ZNF292: variants seen among roughly 807,000 people sequenced by gnomAD.
ZNF292 encodes the protein zinc finger protein 292.
ZNF292 carries 26 observed loss-of-function variants against 217.9 expected under a neutral mutation model. The observed-to-expected ratio is 0.12, with a 90% CI of 0.09 to 0.17. The LOEUF is 0.17. Ranked by LOEUF, ZNF292 falls within the 10% of genes least tolerant of loss-of-function variation. The pLI is 1.00. For missense variants in ZNF292, 2,904 were observed against 3,175.2 expected, an observed-to-expected ratio of 0.91 and a Z score of 2.05; for synonymous variants, 1,257 against 1,124.1, an observed-to-expected ratio of 1.12 and a Z score of -2.37.
At chr6:87,251,618 T>C (rs1045382402) in intron 7 of ZNF292, among the ~76,000 whole-genome samples, 3 of 152,232 alleles carry the variant, frequency 2.0e-5, no homozygotes, top group African/African-American at 7.2e-5. Flanking sequence ...TGTTATGAAT[T>C]AAATAGATTT....
chr6:87,234,450 T>C (rs1009926419), intron 5 of ZNF292, among the ~76,000 whole-genome samples: 9 of 151,922 alleles, frequency 5.9e-5, no homozygotes, highest in Non-Finnish European at 1.0e-4. Flanking sequence ...TCCCAGCTAC[T>C]TGGTAGGCTG....
chr6:87,217,601 C>A (rs185421608), intron 3 of ZNF292, among the ~76,000 whole-genome samples: 4 of 151,994 alleles, frequency 2.6e-5, no homozygotes, highest in African/African-American at 9.7e-5. Context: ...TGTTTGCCAA[C>A]GTAAGATAAA....
At chr6:87,219,843 A>G (rs1338616347) in intron 4 of ZNF292, among the ~76,000 whole-genome samples, 2 of 152,150 alleles carry the variant, frequency 1.3e-5, no homozygotes, top group Non-Finnish European at 2.9e-5. Context: ...TTACTTATTT[A>G]TTGAGACAGA....
At chr6:87,165,042 C>T (rs1391271956) in intron 1 of ZNF292, among the ~76,000 whole-genome samples, 1 of 151,978 alleles carries the variant, frequency 6.6e-6, no homozygotes, top group Non-Finnish European at 1.5e-5. Context: ...GGATTACAGG[C>T]GTGAGCCACC....
At chr6:87,196,502 G>A (rs1290126673) in intron 1 of ZNF292, among the ~76,000 whole-genome samples, 2 of 152,204 alleles carry the variant, frequency 1.3e-5, no homozygotes, top group Admixed American at 1.3e-4. Flanking sequence ...TAACAAATAG[G>A]TGCCCAGTAA....
At chr6:87,202,536 T>A (rs1043386270) in intron 1 of ZNF292, among the ~76,000 whole-genome samples, 1 of 152,212 alleles carries the variant, frequency 6.6e-6, no homozygotes, top group South Asian at 2.1e-4. Flanking sequence ...CAGTTTTGAA[T>A]AGAAGCAGTG....
intron 7 of ZNF292, among the ~76,000 whole-genome samples, chr6:87,250,447 CA>C (rs1562176190): frequency 6.6e-6 from 1 of 150,930 alleles, no homozygotes; most frequent in South Asian, 2.1e-4. Context: ...GACCCTGTCT[CA>C]AAAAAGAAAA....
intron 1 of ZNF292, chr6:87,169,892 C>T: frequency 5.2e-6 from 1 of 192,566 alleles, no homozygotes; most frequent in Non-Finnish European, 1.1e-5. Context: ...AAGCAATTTG[C>T]CCATCTCAGA....
At position 87,216,134 on chromosome 6, in the gene ZNF292, C is replaced by T. The variant is rs1215070523; in HGVS notation, c.323+77C>T. ...ACACACACACACACACACACACACA[C>T]ACACACACACACACACACACACAAC... is the stretch of plus-strand genomic sequence containing the variant. On this transcript the variant is annotated intron_variant, in intron 2 of 7. Coordinates refer to ENST00000369577, the MANE Select transcript of ZNF292 (RefSeq NM_015021.3). The T allele has an allele frequency of 6.6e-6, 5 of 753,896 alleles. No individual in the cohort carries two copies. The East Asian group carries it at 1.7e-4, about 25-fold the overall frequency. The allele number at this position is 753,896 out of a possible 1,614,324, so 46.7% of individuals were successfully genotyped here.
chr6:87,190,949 T>G (rs1186879991), intron 1 of ZNF292, among the ~76,000 whole-genome samples: 1 of 152,212 alleles, frequency 6.6e-6, no homozygotes, highest in Non-Finnish European at 1.5e-5. Flanking sequence ...TCTTCAGAGG[T>G]AGCTGTTTAC....
chr6:87,172,142 G>T (rs1487786968), intron 1 of ZNF292, among the ~76,000 whole-genome samples: 1 of 152,036 alleles, frequency 6.6e-6, no homozygotes, highest in East Asian at 1.9e-4. Context: ...ACCCTATGAG[G>T]GAAGGAACTG....
intron 4 of ZNF292, among the ~76,000 whole-genome samples, chr6:87,219,861 C>T (rs564594858): frequency 2.0e-5 from 3 of 152,192 alleles, no homozygotes; most frequent in South Asian, 4.1e-4. Context: ...AGAGTCTTGC[C>T]CTGTGGCCCA....
In ZNF292 at chr6:87,257,691, G is replaced by A. The variant is rs757136812; in HGVS notation, c.4062G>A (p.Lys1354=). The A allele has an allele frequency of 7.4e-6, 12 of 1,612,470 alleles. No individual in the cohort carries two copies. The African/African-American group carries it at 1.6e-4, about 22-fold the overall frequency. Residue 1354 remains lysine, a synonymous_variant, in exon 8 of 8, where the codon AAG becomes AAA. Transcript: ENST00000369577. ...KKDRGRGPNG[K]ERKPKHNKRA... ...ACCGTGGGCGGGGCCCAAATGGGAA[G>A]GAAAGAAAACCTAAGCACAACAAAA...
At chr6:87,238,558 G>C (rs1774015264) in intron 5 of ZNF292, among the ~76,000 whole-genome samples, 1 of 148,898 alleles carries the variant, frequency 6.7e-6, no homozygotes, top group African/African-American at 2.5e-5. Context: ...ATACATAATA[G>C]ATAAATTTGG....
chr6:87,157,554 A>C (rs921347793), intron 1 of ZNF292, among the ~76,000 whole-genome samples: 2 of 152,186 alleles, frequency 1.3e-5, no homozygotes, highest in Non-Finnish European at 2.9e-5. Context: ...TAATTACTGT[A>C]AATTCTTTTT....
intron 7 of ZNF292, among the ~76,000 whole-genome samples, chr6:87,252,903 T>A (rs747933784): frequency 6.4e-4 from 98 of 151,964 alleles, no homozygotes; most frequent in Non-Finnish European, 1.2e-3. Context: ...TGTCATTTTT[T>A]ATTTTTTTAT....
chr6:87,240,142 G>A (rs1288952010), intron 5 of ZNF292, among the ~76,000 whole-genome samples: 1 of 152,188 alleles, frequency 6.6e-6, no homozygotes, highest in Non-Finnish European at 1.5e-5. Context: ...TCGCGGTTAG[G>A]AGCTGGAGAC....
intron 5 of ZNF292, among the ~76,000 whole-genome samples, chr6:87,235,997 G>T (rs937746452): frequency 1.3e-5 from 2 of 152,168 alleles, no homozygotes; most frequent in Admixed American, 6.5e-5. Context: ...GCTTAGAGAT[G>T]ATTGCTCTTT....
chr6:87,165,860 C>T (rs950243588), intron 1 of ZNF292, among the ~76,000 whole-genome samples: 2 of 149,876 alleles, frequency 1.3e-5, no homozygotes, highest in African/African-American at 2.5e-5. Flanking sequence ...CAGGTTTAAG[C>T]GATTCTCCCG....
Sources: gnomAD v4.1 joint callset for allele counts (sites outside exome capture counted in the v4.1 genomes callset) on GRCh38, gnomAD v4.1.1 for gene constraint, MANE v1.5 for transcripts, NCBI Gene and HGNC (gene_info 2026-07-23, HGNC 2026-07-21) for gene names.